The following NLGN1 variants were observed in gnomAD, a reference collection of about 807,000 sequenced individuals.
The protein encoded by NLGN1 is neuroligin-1.
In NLGN1, 12 loss-of-function variants were observed where a neutral mutation model predicts 65.5. That is an observed-to-expected ratio of 0.18 (90% CI 0.12 to 0.30). The LOEUF (loss-of-function observed/expected upper bound fraction) is 0.30, where lower values mean the gene tolerates loss of function less well. NLGN1 is among the 10% of genes least tolerant of loss of function. NLGN1 has a pLI of 1.00. For synonymous variants in NLGN1, 350 were observed against 359.5 expected, an observed-to-expected ratio of 0.97 and a Z score of 0.30; for missense variants, 750 against 1,007.1, an observed-to-expected ratio of 0.74 and a Z score of 3.46.
At chr3:173,868,737 A>G (rs1044867064) in intron 4 of NLGN1, among the ~76,000 whole-genome samples, 2 of 152,154 alleles carry the variant, frequency 1.3e-5, no homozygotes, top group African/African-American at 2.4e-5. Flanking sequence ...CTGGGGCCCT[A>G]TCTCCAAAGA....
At chr3:173,531,113 CT>C (rs1267965649) in intron 2 of NLGN1, among the ~76,000 whole-genome samples, 2 of 152,064 alleles carry the variant, frequency 1.3e-5, no homozygotes, top group African/African-American at 4.8e-5. Context: ...GTGACACTTA[CT>C]TTTCTTTAAA....
At chr3:173,747,059 TACACACAC>T (rs3033827) in intron 3 of NLGN1, among the ~76,000 whole-genome samples, 1,904 of 130,380 alleles carry the variant, frequency 0.015, 64 homozygotes, top group African/African-American at 0.051. Context: ...AAATTATATA[TACACACAC>T]ACACACACAC....
chr3:174,072,019 G>A (rs1245632280), intron 4 of NLGN1, among the ~76,000 whole-genome samples: 1 of 152,120 alleles, frequency 6.6e-6, no homozygotes, highest in Admixed American at 6.6e-5. Context: ...ATGTGGAAAG[G>A]ACCAGAATGA....
At chr3:173,660,615 T>C (rs1233718440) in intron 3 of NLGN1, among the ~76,000 whole-genome samples, 1 of 151,904 alleles carries the variant, frequency 6.6e-6, no homozygotes, top group African/African-American at 2.4e-5. Context: ...CTTTAAATAC[T>C]AATTCAGCTT....
At chr3:173,686,877 C>T (rs772781457) in intron 3 of NLGN1, among the ~76,000 whole-genome samples, 12 of 151,890 alleles carry the variant, frequency 7.9e-5, no homozygotes, top group South Asian at 2.1e-4. Flanking sequence ...TGCTTGAACC[C>T]GGCAGGTGGA....
rs535129088 is a variant in NLGN1 at position 173,861,754 on chromosome 3, TTTTA to T, written c.646+53941_646+53944del. 2.6e-5 allele frequency among the ~76,000 whole-genome samples: 4 copies of T among 151,894 alleles called. No homozygotes were observed. In the South Asian group the frequency reaches 6.2e-4, roughly 24 times the overall value. On this transcript the variant is annotated intron_variant, in intron 4 of 6. Transcript: ENST00000457714. ...TTTGTGTGTGTTTCTAAATTTTTCA[TTTTA>T]TTTATTTATTTATTTATTGAGACAG...
At chr3:173,568,415 G>A (rs1263132691) in intron 2 of NLGN1, among the ~76,000 whole-genome samples, 1 of 151,896 alleles carries the variant, frequency 6.6e-6, no homozygotes, top group Non-Finnish European at 1.5e-5. Context: ...TGTATTTTTA[G>A]TAAAGATGGA....
chr3:173,818,222 G>GA lies in NLGN1; in HGVS notation c.646+10396dup, dbSNP rs528350021. Among the ~76,000 whole-genome samples, 56 of 152,032 alleles carry GA rather than the reference G, an allele frequency of 3.7e-4. No homozygotes were observed. The South Asian group carries it at 0.011, about 30-fold the overall frequency. On this transcript the variant is annotated intron_variant, in intron 4 of 6. Transcript: ENST00000457714. The stretch of plus-strand genomic sequence containing the variant: ...CCTCTCTGGACCTCAGAGTGAGTGA[G>GA]AAAAAATGACATTAAACAAATGAAC...
chr3:174,065,419 A>C (rs1434511445), intron 4 of NLGN1, among the ~76,000 whole-genome samples: 1 of 152,102 alleles, frequency 6.6e-6, no homozygotes, highest in Admixed American at 6.6e-5. Flanking sequence ...ATCTTTTGAA[A>C]TATATTAAGT....
At chr3:173,848,006 T>G (rs967932565) in intron 4 of NLGN1, among the ~76,000 whole-genome samples, 1 of 152,240 alleles carries the variant, frequency 6.6e-6, no homozygotes, top group East Asian at 1.9e-4. Context: ...TTCCCTCTTC[T>G]GAGCATTTAC....
At chr3:173,585,367 C>T (rs896145593) in intron 2 of NLGN1, among the ~76,000 whole-genome samples, 11 of 152,060 alleles carry the variant, frequency 7.2e-5, no homozygotes, top group African/African-American at 2.7e-4. Context: ...GCATGTAGAG[C>T]GGAAAAGCCC....
At chr3:174,072,996 C>G (rs376057716) in intron 4 of NLGN1, among the ~76,000 whole-genome samples, 2 of 152,190 alleles carry the variant, frequency 1.3e-5, no homozygotes, top group East Asian at 1.9e-4. Context: ...AAAACATGCC[C>G]TCTTGAGTGG....
At chr3:174,247,433 G>A (rs1338535152) in intron 4 of NLGN1, among the ~76,000 whole-genome samples, 5 of 152,148 alleles carry the variant, frequency 3.3e-5, no homozygotes, top group East Asian at 1.9e-4. Context: ...ACCTACCTAC[G>A]TTTTTCTGTT....
intron 3 of NLGN1, among the ~76,000 whole-genome samples, chr3:173,643,874 G>A (rs142288465): frequency 1.3e-5 from 2 of 152,136 alleles, no homozygotes; most frequent in African/African-American, 2.4e-5. Context: ...TGGTACAGGT[G>A]TGTGCCACCA....
intron 3 of NLGN1, among the ~76,000 whole-genome samples, chr3:173,745,942 T>G (rs1259378356): frequency 6.6e-6 from 1 of 152,078 alleles, no homozygotes; most frequent in Non-Finnish European, 1.5e-5. Context: ...TATCCAAGTG[T>G]GTAACTGGTT....
intron 4 of NLGN1, among the ~76,000 whole-genome samples, chr3:174,028,947 G>A (rs1047487062): frequency 6.6e-6 from 1 of 152,054 alleles, no homozygotes; most frequent in Non-Finnish European, 1.5e-5. Context: ...GGCTAAAAGG[G>A]GCCAACATAG....
intron 3 of NLGN1, among the ~76,000 whole-genome samples, chr3:173,721,239 A>C (rs561911306): frequency 1.3e-5 from 2 of 152,358 alleles, no homozygotes; most frequent in South Asian, 4.1e-4. Flanking sequence ...TCACCAGGTG[A>C]AAATGAGCTT....
intron 2 of NLGN1, among the ~76,000 whole-genome samples, chr3:173,471,442 G>C (rs146419436): frequency 6.8e-4 from 103 of 152,082 alleles, no homozygotes; most frequent in African/African-American, 2.3e-3. Flanking sequence ...CCCATTCTCT[G>C]CCTTCGTGTT....
At chr3:173,882,509 A>G (rs1319308577) in intron 4 of NLGN1, among the ~76,000 whole-genome samples, 1 of 152,240 alleles carries the variant, frequency 6.6e-6, no homozygotes, top group Non-Finnish European at 1.5e-5. Flanking sequence ...ATAACTTGCT[A>G]CAGCATCTGC....
Sources: gnomAD v4.1 joint callset for allele counts (sites outside exome capture counted in the v4.1 genomes callset) on GRCh38, gnomAD v4.1.1 for gene constraint, MANE v1.5 for transcripts, NCBI Gene and HGNC (gene_info 2026-07-23, HGNC 2026-07-21) for gene names.